DNAJC3: variants seen among roughly 807,000 people sequenced by gnomAD.
DNAJC3 encodes DnaJ heat shock protein family (Hsp40) member C3.
In DNAJC3, 38 loss-of-function variants were observed where a neutral mutation model predicts 68.6. The observed-to-expected ratio is 0.55, with a 90% CI of 0.43 to 0.73. The LOEUF is 0.73. DNAJC3 is among the 30% of genes least tolerant of loss of function. The pLI is 0.00. For synonymous variants in DNAJC3, 203 were observed against 204.0 expected (o/e 1.00, Z 0.04); for missense variants, 526 against 591.9 (o/e 0.89, Z 1.16).
Position 95,744,852 on chromosome 13 carries a change from TA to T in DNAJC3, c.394-12788del, listed in dbSNP as rs565553559. ...GTCTTCCAAATGAAGAGATGAATGT[TA>T]AAACTATTCAGAGACCACTGGTCAT... On this transcript the variant is annotated intron_variant, in intron 4 of 11. Transcript: ENST00000602402. The T allele has an allele frequency of 1.3e-3, 197 of 152,330 alleles. 1 individual carries two copies. The highest frequency in any genetic ancestry group is 4.4e-3 in the African/African-American group (183 of 41,584). The allele number at this position is 152,330 out of a possible 1,614,324, so 9.4% of individuals were successfully genotyped here.
intron 10 of DNAJC3, 56 bp downstream of exon 10, chr13:95,786,127 C>A: frequency 1.4e-6 from 2 of 1,471,670 alleles, no homozygotes; most frequent in African/African-American, 1.4e-5. Flanking sequence ...TGTTTCAAAG[C>A]TAATCATTGC....
intron 4 of DNAJC3, among the ~76,000 whole-genome samples, chr13:95,753,444 A>G (rs922299499): frequency 6.6e-6 from 1 of 151,906 alleles, no homozygotes; most frequent in African/African-American, 2.4e-5. Context: ...GTAATGTTGC[A>G]TATACCTCAA....
At chr13:95,727,934 C>T (rs1881583131) in intron 4 of DNAJC3, among the ~76,000 whole-genome samples, 1 of 152,176 alleles carries the variant, frequency 6.6e-6, no homozygotes, top group Admixed American at 6.5e-5. Flanking sequence ...TACTTTCTGG[C>T]ATCCACTAAT....
At chr13:95,755,841 ACT>A (rs1218539676) in intron 4 of DNAJC3, among the ~76,000 whole-genome samples, 1 of 150,970 alleles carries the variant, frequency 6.6e-6, no homozygotes, top group African/African-American at 2.4e-5. Context: ...TCTCTTTGAA[ACT>A]CTCAGGCTTC....
intron 1 of DNAJC3, among the ~76,000 whole-genome samples, chr13:95,679,183 A>C (rs1253598309): frequency 7.0e-6 from 1 of 143,388 alleles, no homozygotes; most frequent in East Asian, 2.1e-4. Context: ...ATGGCAGCTG[A>C]GAAAAAAAAT....
At chr13:95,686,402 G>A (rs1311865673) in intron 1 of DNAJC3, among the ~76,000 whole-genome samples, 2 of 152,204 alleles carry the variant, frequency 1.3e-5, no homozygotes, top group African/African-American at 2.4e-5. Context: ...TCTTTGCCCT[G>A]TTGATTATCT....
chr13:95,757,923 C>T lies in DNAJC3; in HGVS notation c.546+127C>T, dbSNP rs1882712333. ...AATCAGGTTGGTCCTTGGGCTTTTG[C>T]CTCTTAAGTATAAAATAGTGTTCCT... is the stretch of plus-strand genomic sequence containing the variant. On this transcript the variant is annotated intron_variant, in intron 5 of 11. Transcript: ENST00000602402. The T allele has an allele frequency of 2.4e-5, 25 of 1,039,684 alleles. 1 individual carries two copies. In the South Asian group the frequency reaches 6.4e-4, roughly 26 times the overall value. 64.4% of individuals were successfully genotyped at this position (1,039,684 alleles called of 1,614,324 possible). A position where few individuals can be genotyped will look rare whatever the true frequency, so the allele number is the denominator to read the frequency against.
chr13:95,789,934 A>G (rs1386293718), intron 11 of DNAJC3, among the ~76,000 whole-genome samples: 4 of 152,034 alleles, frequency 2.6e-5, no homozygotes, highest in Non-Finnish European at 4.4e-5. Context: ...TCTTCTTTTG[A>G]GAAGTGTCTG....
chr13:95,760,314 A>G, intron 6 of DNAJC3, 93 bp downstream of exon 6: 3 of 1,126,910 alleles, frequency 2.7e-6, no homozygotes, highest in Non-Finnish European at 3.6e-6. Flanking sequence ...TAAATTAATA[A>G]GATGATGGTA....
At chr13:95,725,571 T>A (rs1881480677) in intron 4 of DNAJC3, among the ~76,000 whole-genome samples, 1 of 152,226 alleles carries the variant, frequency 6.6e-6, no homozygotes, top group African/African-American at 2.4e-5. Flanking sequence ...GAACTACTTT[T>A]AAAGCCCTTG....
At chr13:95,733,582 T>C (rs1402420087) in intron 4 of DNAJC3, among the ~76,000 whole-genome samples, 1 of 152,084 alleles carries the variant, frequency 6.6e-6, no homozygotes, top group Non-Finnish European at 1.5e-5. Flanking sequence ...ATGTTTTTAG[T>C]AGAAACGGGG....
chr13:95,701,364 A>G (rs912350576), intron 1 of DNAJC3, among the ~76,000 whole-genome samples: 1 of 152,236 alleles, frequency 6.6e-6, no homozygotes, highest in African/African-American at 2.4e-5. Context: ...TGTCAGAGAA[A>G]TTTACATCTA....
chr13:95,703,692 A>C (rs1880640708), intron 1 of DNAJC3, among the ~76,000 whole-genome samples: 2 of 152,242 alleles, frequency 1.3e-5, no homozygotes, highest in South Asian at 4.1e-4. Flanking sequence ...GTATATAATC[A>C]AAGAGAAAAT....
At chr13:95,685,767 C>T (rs1386022323) in intron 1 of DNAJC3, among the ~76,000 whole-genome samples, 2 of 151,654 alleles carry the variant, frequency 1.3e-5, no homozygotes, top group Non-Finnish European at 2.9e-5. Context: ...ATATGTGTTA[C>T]AATTTCTTCA....
At chr13:95,771,219 A>G (rs1216760323) in intron 9 of DNAJC3, among the ~76,000 whole-genome samples, 2 of 152,156 alleles carry the variant, frequency 1.3e-5, no homozygotes, top group African/African-American at 4.8e-5. Context: ...TTTAGGGATA[A>G]TTTTAGATAC....
intron 2 of DNAJC3, 120 bp downstream of exon 2, chr13:95,709,457 A>G: frequency 1.4e-6 from 1 of 725,846 alleles, no homozygotes; most frequent in East Asian, 3.3e-5. Context: ...ACATTTAAAT[A>G]TATTTGTGGG....
At chr13:95,695,637 A>G (rs1880417982) in intron 1 of DNAJC3, 1 of 152,224 alleles carries the variant, frequency 6.6e-6, no homozygotes, top group African/African-American at 2.4e-5. Context: ...AGCATCTATT[A>G]TGTAATTCTC....
chr13:95,761,577 G>T (rs559571492), intron 7 of DNAJC3, among the ~76,000 whole-genome samples: 1 of 152,222 alleles, frequency 6.6e-6, no homozygotes, highest in African/African-American at 2.4e-5. Flanking sequence ...ATTGACGTGG[G>T]TGCAGTCAAG....
chr13:95,711,953 A>G (rs9561938), intron 2 of DNAJC3, among the ~76,000 whole-genome samples: 10,368 of 152,304 alleles, frequency 0.068, 482 homozygotes, highest in East Asian at 0.18. Flanking sequence ...AAAAATTCTG[A>G]AAAACATAAT....
Sources: gnomAD v4.1 joint callset for allele counts (sites outside exome capture counted in the v4.1 genomes callset) on GRCh38, gnomAD v4.1.1 for gene constraint, MANE v1.5 for transcripts, NCBI Gene and HGNC (gene_info 2026-07-23, HGNC 2026-07-21) for gene names.